TMEM170B: variants seen among roughly 807,000 people sequenced by gnomAD.
TMEM170B encodes transmembrane protein 170B.
Under a neutral mutation model 13.0 loss-of-function variants are expected in TMEM170B, and 6 were observed. That is an observed-to-expected ratio of 0.46 (90% CI 0.25 to 0.91). TMEM170B has a LOEUF of 0.91. Ranked by LOEUF, TMEM170B falls within the 40% of genes least tolerant of loss-of-function variation. The pLI is 0.17. For missense variants in TMEM170B, 138 were observed against 165.2 expected (o/e 0.84, Z 0.90); for synonymous variants, 61 against 64.9 (o/e 0.94, Z 0.29).
chr6:11,550,999 T>G (rs537557173), intron 1 of TMEM170B, among the ~76,000 whole-genome samples: 5 of 152,324 alleles, frequency 3.3e-5, no homozygotes, highest in Admixed American at 2.0e-4. Context: ...ACAAGACACA[T>G]TTATTTTCTC....
intron 1 of TMEM170B, among the ~76,000 whole-genome samples, chr6:11,541,362 T>G (rs1561905704): frequency 6.6e-6 from 1 of 152,218 alleles, no homozygotes. Flanking sequence ...ACATCAGCAT[T>G]TGCTGCTTCA....
chr6:11,557,963 G>A (rs560082018), intron 1 of TMEM170B, among the ~76,000 whole-genome samples: 4 of 152,134 alleles, frequency 2.6e-5, no homozygotes, highest in East Asian at 3.9e-4. Context: ...AGGCTGGAGT[G>A]CAGTGGCACA....
intron 1 of TMEM170B, among the ~76,000 whole-genome samples, chr6:11,544,188 A>T (rs949239075): frequency 6.6e-6 from 1 of 152,156 alleles, no homozygotes; most frequent in African/African-American, 2.4e-5. Flanking sequence ...ATATTACGGT[A>T]CAGGTTGAAC....
rs1759857559 is a variant in TMEM170B, at chr6:11,575,171, T to C, written c.269-260T>C. The stretch of plus-strand genomic sequence containing the variant: ...TCATTGTTTATGAACATATTTGCTA[T>C]CAAGTATGCAGCATATACCATAAAT... On this transcript the variant is annotated intron_variant, in intron 2 of 2. Coordinates refer to ENST00000379426, the MANE Select transcript of TMEM170B (RefSeq NM_001100829.3). This position sits in a 1 kb window ranked among gnomAD's most constrained non-coding sequence, Gnocchi z 4.1. Among the ~76,000 whole-genome samples the C allele has an allele frequency of 6.6e-6, 1 of 152,144 alleles. No individual in the cohort carries two copies. The highest frequency in any genetic ancestry group is 2.4e-5 in the African/African-American group (1 of 41,440).
intron 1 of TMEM170B, among the ~76,000 whole-genome samples, chr6:11,556,928 G>A (rs1319403342): frequency 6.6e-6 from 1 of 152,190 alleles, no homozygotes; most frequent in Admixed American, 6.5e-5. Context: ...TATACCACCA[G>A]TGGTGGCTCT....
intron 1 of TMEM170B, 44 bp downstream of exon 1, chr6:11,538,418 C>T (rs1582135445): frequency 7.2e-7 from 1 of 1,388,126 alleles, no homozygotes; most frequent in East Asian, 2.9e-5. Flanking sequence ...CGGTCCGCCC[C>T]TCTCCTGTCT....
At chr6:11,572,433 TTAAC>T (rs1759817358) in intron 2 of TMEM170B, among the ~76,000 whole-genome samples, 1 of 152,206 alleles carries the variant, frequency 6.6e-6, no homozygotes, top group Non-Finnish European at 1.5e-5. Context: ...AAGAGTTTAT[TTAAC>T]TTTTTCATTG....
intron 1 of TMEM170B, among the ~76,000 whole-genome samples, chr6:11,546,907 C>T (rs763828637): frequency 6.6e-6 from 1 of 152,214 alleles, no homozygotes. Flanking sequence ...ACATGCATAC[C>T]TGTGATAAAG....
intron 2 of TMEM170B, among the ~76,000 whole-genome samples, chr6:11,571,659 C>G (rs148719936): frequency 0.01 from 1,596 of 152,168 alleles, 10 homozygotes; most frequent in Middle Eastern, 0.02. Flanking sequence ...CATAAATCAC[C>G]AAGAAAATAA....
At chr6:11,543,589 T>G (rs2113761419) in intron 1 of TMEM170B, among the ~76,000 whole-genome samples, 1 of 152,336 alleles carries the variant, frequency 6.6e-6, no homozygotes, top group South Asian at 2.1e-4. Flanking sequence ...AGTCATTATC[T>G]TTTTTCATAA....
At chr6:11,564,475 A>C (rs1759709541) in intron 1 of TMEM170B, among the ~76,000 whole-genome samples, 2 of 152,362 alleles carry the variant, frequency 1.3e-5, no homozygotes, top group South Asian at 2.1e-4. Flanking sequence ...AGCCCAAATC[A>C]CAGATGAGAT....
chr6:11,561,047 C>T (rs905192972), intron 1 of TMEM170B, among the ~76,000 whole-genome samples: 2 of 152,134 alleles, frequency 1.3e-5, no homozygotes, highest in African/African-American at 4.8e-5. Flanking sequence ...AAAAGTAACA[C>T]ACTGCAACAA....
At chr6:11,556,968 T>C (rs1272786765) in intron 1 of TMEM170B, among the ~76,000 whole-genome samples, 1 of 152,184 alleles carries the variant, frequency 6.6e-6, no homozygotes, top group Admixed American at 6.5e-5. Context: ...ATCCAGTCTT[T>C]CCAGGGAGCA....
At chr6:11,572,026 A>G (rs1180888028) in intron 2 of TMEM170B, among the ~76,000 whole-genome samples, 1 of 152,212 alleles carries the variant, frequency 6.6e-6, no homozygotes, top group African/African-American at 2.4e-5. Flanking sequence ...AAAAAACAAA[A>G]AAGGATGTCA....
Position 11,583,114 on chromosome 6 carries a change from T to G in TMEM170B, c.*7553T>G, listed in dbSNP as rs1309676214. The G allele has an allele frequency of 6.6e-6, 1 of 152,212 alleles. No individual in the cohort carries two copies. The highest frequency in any genetic ancestry group is 2.4e-5 in the African/African-American group (1 of 41,456). 9.4% of individuals were successfully genotyped at this position (152,212 alleles called of 1,614,324 possible). ...AATTTTAATTGCAGTAAGCATCAGT[T>G]TAGCCTAGAGATGTTGATCTTTATT... On this transcript the variant is annotated 3_prime_UTR_variant, in exon 3 of 3. Transcript: ENST00000379426.
chr6:11,538,231 C>G lies in TMEM170B; in HGVS notation c.-47C>G. On this transcript the variant is annotated 5_prime_UTR_variant, in exon 1 of 3. Transcript: ENST00000379426. The stretch of plus-strand genomic sequence containing the variant: ...GCCCCCCGAGCCTCGCAGCCGCCGC[C>G]GCCGCCCGGCACCCGAGGAGAGGGC... 1 of 1,121,864 alleles carries G rather than the reference C, an allele frequency of 8.9e-7. No homozygotes were observed. Among genetic ancestry groups the G allele is most frequent in the Non-Finnish European group, 1.1e-6 (1 of 893,648 alleles). The allele number at this position is 1,121,864 out of a possible 1,614,324, so 69.5% of individuals were successfully genotyped here.
chr6:11,573,543 G>T (rs770514912), intron 2 of TMEM170B, among the ~76,000 whole-genome samples: 1 of 152,200 alleles, frequency 6.6e-6, no homozygotes, highest in South Asian at 2.1e-4. Flanking sequence ...TGATTGTCCA[G>T]TGTAACACAG....
At position 11,577,258 on chromosome 6, in the gene TMEM170B, G is replaced by A. The variant is rs1759891151; in HGVS notation, c.*1697G>A. On this transcript the variant is annotated 3_prime_UTR_variant, in exon 3 of 3. Transcript: ENST00000379426. Reference sequence around the variant, plus strand: ...TTGGGAGATTTACTAACACTGGCTTGGAAATTTGTTTTAAAAAAATAATAA... The same window carrying A: ...TTGGGAGATTTACTAACACTGGCTTAGAAATTTGTTTTAAAAAAATAATAA... The A allele has an allele frequency of 6.6e-6, 1 of 151,928 alleles. No individual in the cohort carries two copies. Among genetic ancestry groups the A allele is most frequent in the Non-Finnish European group, 1.5e-5 (1 of 67,934 alleles). The allele number at this position is 151,928 out of a possible 1,614,324, so 9.4% of individuals were successfully genotyped here. A position where few individuals can be genotyped will look rare whatever the true frequency, so the allele number is the denominator to read the frequency against.
chr6:11,550,716 A>T (rs1365948116), intron 1 of TMEM170B, among the ~76,000 whole-genome samples: 1 of 152,170 alleles, frequency 6.6e-6, no homozygotes, highest in Non-Finnish European at 1.5e-5. Flanking sequence ...CACCATTATT[A>T]ATTCAGTTTG....
Sources: gnomAD v4.1 joint callset for allele counts (sites outside exome capture counted in the v4.1 genomes callset) on GRCh38, gnomAD v4.1.1 for gene constraint, Gnocchi (gnomAD v3.1) non-coding constraint, MANE v1.5 for transcripts, NCBI Gene and HGNC (gene_info 2026-07-23, HGNC 2026-07-21) for gene names.